Variants in PTPRK observed in about 807,000 individuals in gnomAD.
PTPRK encodes protein tyrosine phosphatase receptor type K, also known as receptor-type tyrosine-protein phosphatase kappa.
A neutral mutation model predicts 178.0 loss-of-function variants in PTPRK; 75 were observed. The ratio of observed to expected loss-of-function variants is 0.42; its 90% CI spans 0.35 to 0.51. The LOEUF (loss-of-function observed/expected upper bound fraction) is 0.51. PTPRK is among the 20% of genes least tolerant of loss of function. The probability of loss-of-function intolerance (pLI) is 0.02; values close to 1 mark genes in which losing one functional copy is unlikely to be tolerated. For synonymous variants in PTPRK, 637 were observed against 620.6 expected (o/e 1.03, Z -0.39); for missense variants, 1,441 against 1,797.8 (o/e 0.80, Z 3.59).
At chr6:128,145,345 A>C (rs1796330475) in intron 7 of PTPRK, among the ~76,000 whole-genome samples, 1 of 152,122 alleles carries the variant, frequency 6.6e-6, no homozygotes, top group African/African-American at 2.4e-5. Flanking sequence ...TTTATGGTAT[A>C]GATTGTGGTG....
intron 1 of PTPRK, among the ~76,000 whole-genome samples, chr6:128,485,055 T>C (rs1852614577): frequency 6.6e-6 from 1 of 152,218 alleles, no homozygotes; most frequent in Admixed American, 6.5e-5. Context: ...ATATACCAAA[T>C]GTAAATTATA....
chr6:128,176,214 A>T (rs1339628018), intron 7 of PTPRK, among the ~76,000 whole-genome samples: 1 of 151,900 alleles, frequency 6.6e-6, no homozygotes, highest in East Asian at 1.9e-4. Flanking sequence ...ATAGGTTCAT[A>T]TGTAACAAAA....
At chr6:128,226,793 T>G (rs1447676461) in intron 5 of PTPRK, among the ~76,000 whole-genome samples, 1 of 140,224 alleles carries the variant, frequency 7.1e-6, no homozygotes, top group Non-Finnish European at 1.5e-5. Context: ...TATATATATA[T>G]ATATATTTCA....
chr6:128,448,655 G>A (rs907132306), intron 1 of PTPRK, among the ~76,000 whole-genome samples: 2 of 152,114 alleles, frequency 1.3e-5, no homozygotes, highest in African/African-American at 4.8e-5. Flanking sequence ...ATCTGTTTGG[G>A]ATGAGACAGA....
chr6:128,266,949 T>C (rs1388707743), intron 3 of PTPRK, among the ~76,000 whole-genome samples: 3 of 152,162 alleles, frequency 2.0e-5, no homozygotes, highest in African/African-American at 7.2e-5. Flanking sequence ...ATATCTCACT[T>C]TATTCTAGAA....
At chr6:128,035,378 A>T (rs1227972879) in intron 13 of PTPRK, among the ~76,000 whole-genome samples, 1 of 151,974 alleles carries the variant, frequency 6.6e-6, no homozygotes, top group Non-Finnish European at 1.5e-5. Flanking sequence ...AAATAAATAA[A>T]TAAATAAATA....
chr6:128,329,123 A>G lies in PTPRK; in HGVS notation c.224-6813T>C, dbSNP rs370353066. 7.2e-5 allele frequency among the ~76,000 whole-genome samples: 11 copies of G among 152,302 alleles called. No individual in the cohort carries two copies. In the East Asian group the frequency reaches 1.7e-3, roughly 24 times the overall value. Reference sequence around the variant, plus strand: ...CTTTGGATCACATGTAGAGAACCCTATATTTTAATATACATAAATCTTTTT... The same window carrying G: ...CTTTGGATCACATGTAGAGAACCCTGTATTTTAATATACATAAATCTTTTT... On this transcript the variant is annotated intron_variant, in intron 2 of 29. Transcript: ENST00000368226.
At chr6:128,237,342 TG>T (rs71744992) in intron 5 of PTPRK, among the ~76,000 whole-genome samples, 16,539 of 152,182 alleles carry the variant, frequency 0.11, 1,849 homozygotes, top group East Asian at 0.35. Context: ...ATTACCTCTG[TG>T]GATAGACTGC....
At chr6:128,066,845 T>G (rs1781861132) in intron 12 of PTPRK, among the ~76,000 whole-genome samples, 2 of 152,208 alleles carry the variant, frequency 1.3e-5, no homozygotes, top group African/African-American at 4.8e-5. Context: ...TGTCCTGTTG[T>G]GTTTTCCTCT....
intron 13 of PTPRK, among the ~76,000 whole-genome samples, chr6:128,036,728 G>A (rs1319539734): frequency 3.4e-5 from 5 of 147,374 alleles, no homozygotes; most frequent in Non-Finnish European, 5.9e-5. Flanking sequence ...ATTTCTTTCC[G>A]TCTCCTCCCT....
intron 1 of PTPRK, among the ~76,000 whole-genome samples, chr6:128,512,029 T>C (rs1238480052): frequency 6.6e-6 from 1 of 152,188 alleles, no homozygotes; most frequent in Admixed American, 6.5e-5. Context: ...TTATTGCTCA[T>C]AAGAATAAAA....
chr6:128,272,745 T>A (rs959861153), intron 3 of PTPRK, among the ~76,000 whole-genome samples: 2 of 152,172 alleles, frequency 1.3e-5, no homozygotes, highest in Admixed American at 1.3e-4. Context: ...ATAGGAATGC[T>A]TTTACACTGT....
At chr6:128,020,709 CGTGAT>C (rs1271315554) in intron 13 of PTPRK, among the ~76,000 whole-genome samples, 8 of 152,082 alleles carry the variant, frequency 5.3e-5, no homozygotes, top group Non-Finnish European at 1.2e-4. Flanking sequence ...ATTATAAGAA[CGTGAT>C]GTGATCTAAA....
intron 3 of PTPRK, among the ~76,000 whole-genome samples, chr6:128,319,360 T>C (rs1466801776): frequency 2.0e-5 from 3 of 152,172 alleles, no homozygotes; most frequent in African/African-American, 7.2e-5. Context: ...AGCAAACATC[T>C]GATTTACATT....
rs4320391 is a variant in PTPRK, at chr6:127,976,644, G to A, written c.3969+13C>T. ...TATTCTAGATCAGCTCAAAGGATCC[G>A]ATAGTGACTTACTCTTGTTAGATTG... On this transcript the variant is annotated intron_variant, in intron 27 of 29. Transcript: ENST00000368226. 21 of 1,613,798 alleles carry A rather than the reference G, an allele frequency of 1.3e-5. No homozygotes were observed. The highest frequency in any genetic ancestry group is 1.2e-4 in the African/African-American group (9 of 75,010).
At chr6:128,108,704 C>T (rs556453018) in intron 7 of PTPRK, among the ~76,000 whole-genome samples, 14 of 152,150 alleles carry the variant, frequency 9.2e-5, no homozygotes, top group African/African-American at 3.4e-4. Context: ...TCTGCTTGGG[C>T]TTCCATAAAC....
At position 127,970,130 on chromosome 6, in the gene PTPRK, T is replaced by G; in HGVS notation, c.*97A>C. ...ATGTAAAAGTCTCCCACCCCCCACATTAAAATCTTTCTGCACAAGTGTAAC... is the reference window on the plus strand; with the variant it reads ...ATGTAAAAGTCTCCCACCCCCCACAGTAAAATCTTTCTGCACAAGTGTAAC... On this transcript the variant is annotated 3_prime_UTR_variant, in exon 30 of 30. Transcript: ENST00000368226. 1.1e-6 allele frequency: 1 copy of G among 940,914 alleles called. No individual in the cohort carries two copies. The highest frequency in any genetic ancestry group is 1.6e-6 in the Non-Finnish European group (1 of 630,412). The allele number at this position is 940,914 out of a possible 1,614,324, so 58.3% of individuals were successfully genotyped here.
At chr6:128,209,605 G>GT (rs906529394) in intron 6 of PTPRK, among the ~76,000 whole-genome samples, 6 of 152,040 alleles carry the variant, frequency 3.9e-5, no homozygotes, top group South Asian at 4.2e-4. Context: ...CACTATTTTT[G>GT]TTTTTTTGAC....
intron 1 of PTPRK, among the ~76,000 whole-genome samples, chr6:128,507,117 A>T (rs1856483291): frequency 6.6e-6 from 1 of 152,160 alleles, no homozygotes. Flanking sequence ...TTCCCACTCA[A>T]GCAGTCAAGT....
Sources: allele counts gnomAD v4.1 joint callset (sites outside exome capture counted in the v4.1 genomes callset), GRCh38; gene constraint gnomAD v4.1.1; transcripts MANE v1.5; gene names NCBI Gene and HGNC (gene_info 2026-07-23, HGNC 2026-07-21).